SPATS2L: variants seen among roughly 807,000 people sequenced by gnomAD.
SPATS2L encodes the protein SPATS2-like protein.
Under a neutral mutation model 59.6 loss-of-function variants are expected in SPATS2L, and 30 were observed. That is an observed-to-expected ratio of 0.50 (90% CI 0.38 to 0.68). The LOEUF (loss-of-function observed/expected upper bound fraction) is 0.68, where lower values mean the gene tolerates loss of function less well. Ranked by LOEUF, SPATS2L falls within the 30% of genes least tolerant of loss-of-function variation. SPATS2L has a pLI of 0.00. For synonymous variants in SPATS2L, 252 were observed against 263.5 expected (o/e 0.96, Z 0.42); for missense variants, 615 against 700.0 (o/e 0.88, Z 1.37).
intron 2 of SPATS2L, among the ~76,000 whole-genome samples, chr2:200,365,341 G>A (rs1271792336): frequency 6.6e-6 from 1 of 152,220 alleles, no homozygotes; most frequent in Admixed American, 6.5e-5. Flanking sequence ...TACAGCCAAA[G>A]ATCATGGGGC....
intron 3 of SPATS2L, among the ~76,000 whole-genome samples, chr2:200,406,025 A>G (rs1278491768): frequency 6.6e-6 from 1 of 152,252 alleles, no homozygotes; most frequent in Non-Finnish European, 1.5e-5. Flanking sequence ...CCATCTTACT[A>G]GACTCCCTGC....
intron 8 of SPATS2L, among the ~76,000 whole-genome samples, chr2:200,448,217 A>G (rs146521155): frequency 0.014 from 2,134 of 152,264 alleles, 30 homozygotes; most frequent in African/African-American, 0.036. Flanking sequence ...TGAGGTGGGT[A>G]GATCACTTGA....
chr2:200,440,871 T>G (rs1182893058), intron 8 of SPATS2L, 87 bp downstream of exon 8: 3 of 1,447,938 alleles, frequency 2.1e-6, no homozygotes, highest in African/African-American at 2.8e-5. Flanking sequence ...CGTTGTTTAT[T>G]TAATACATAA....
chr2:200,438,568 T>A (rs777787962), intron 6 of SPATS2L, among the ~76,000 whole-genome samples: 1 of 152,164 alleles, frequency 6.6e-6, no homozygotes, highest in Non-Finnish European at 1.5e-5. Flanking sequence ...TATGATGATG[T>A]TTTCTGATTT....
chr2:200,448,798 T>C (rs1389529772), intron 8 of SPATS2L, among the ~76,000 whole-genome samples: 2 of 152,084 alleles, frequency 1.3e-5, no homozygotes, highest in African/African-American at 4.8e-5. Flanking sequence ...ACAGAGAGTA[T>C]GGGGATGAAC....
intron 2 of SPATS2L, among the ~76,000 whole-genome samples, chr2:200,375,765 T>C (rs779143297): frequency 8.5e-5 from 13 of 152,164 alleles, no homozygotes; most frequent in Non-Finnish European, 1.6e-4. Context: ...TAGCTGGGAC[T>C]ACAGGCACAT....
chr2:200,327,195 G>A (rs1161700086), intron 1 of SPATS2L, among the ~76,000 whole-genome samples: 11 of 151,976 alleles, frequency 7.2e-5, no homozygotes, highest in African/African-American at 2.4e-5. Context: ...CTTGAGGTCA[G>A]GAGTTTGAGA....
At chr2:200,367,064 C>T (rs917184949) in intron 2 of SPATS2L, among the ~76,000 whole-genome samples, 1 of 152,108 alleles carries the variant, frequency 6.6e-6, no homozygotes, top group Non-Finnish European at 1.5e-5. Flanking sequence ...ACTGCAAAGT[C>T]GTAATATTAT....
chr2:200,468,194 C>G (rs564382184), intron 10 of SPATS2L, among the ~76,000 whole-genome samples: 49 of 152,066 alleles, frequency 3.2e-4, no homozygotes, highest in African/African-American at 1.2e-3. Context: ...ACATCTTGAT[C>G]GCCAGACCCA....
rs144006788 is a variant in SPATS2L at position 200,389,301 on chromosome 2, G to A, written c.39+18G>A. The A allele has an allele frequency of 1.4e-4, 213 of 1,555,436 alleles. No homozygotes were observed. Among genetic ancestry groups the A allele is most frequent in the Admixed American group, 1.9e-4 (10 of 53,324 alleles). ...AGGAAAAGGTAAGATCAAGTTATAC[G>A]TTGGCTCACAGAAACTCCAAACTAG... On this transcript the variant is annotated intron_variant, in intron 3 of 12. Coordinates refer to ENST00000409140, the MANE Select transcript of SPATS2L (RefSeq NM_001100423.2).
intron 6 of SPATS2L, among the ~76,000 whole-genome samples, chr2:200,433,582 A>G (rs1436311192): frequency 6.6e-6 from 1 of 152,130 alleles, no homozygotes; most frequent in Non-Finnish European, 1.5e-5. Context: ...AAGAGATATG[A>G]GAAAAATTTT....
At chr2:200,314,415 G>A (rs552985795) in intron 1 of SPATS2L, among the ~76,000 whole-genome samples, 2 of 152,194 alleles carry the variant, frequency 1.3e-5, no homozygotes, top group South Asian at 2.1e-4. Context: ...CAGTAGCCTC[G>A]CAACTGGTCT....
intron 2 of SPATS2L, among the ~76,000 whole-genome samples, chr2:200,386,262 T>C (rs2081990887): frequency 6.6e-6 from 1 of 152,172 alleles, no homozygotes; most frequent in Non-Finnish European, 1.5e-5. Flanking sequence ...GTCCCTGTAA[T>C]TATTTTTATC....
chr2:200,474,785 A>G (rs971847694), intron 12 of SPATS2L, among the ~76,000 whole-genome samples: 3 of 152,120 alleles, frequency 2.0e-5, no homozygotes, highest in African/African-American at 7.2e-5. Context: ...AATCCACTCA[A>G]ATATCTAAGT....
chr2:200,468,621 C>G (rs1054418109), intron 10 of SPATS2L, among the ~76,000 whole-genome samples: 1 of 152,204 alleles, frequency 6.6e-6, no homozygotes, highest in East Asian at 1.9e-4. Context: ...CTTCTCTGCT[C>G]TGGCCTTTGT....
At chr2:200,457,603 A>G (rs1200797172) in intron 8 of SPATS2L, among the ~76,000 whole-genome samples, 1 of 152,256 alleles carries the variant, frequency 6.6e-6, no homozygotes, top group African/African-American at 2.4e-5. Context: ...GATCATATCC[A>G]GTGACCGTAA....
chr2:200,466,447 G>A (rs1019033566), intron 9 of SPATS2L, among the ~76,000 whole-genome samples: 1 of 152,166 alleles, frequency 6.6e-6, no homozygotes, highest in Admixed American at 6.5e-5. Flanking sequence ...GCTACTGAGC[G>A]CCATAATCTT....
intron 7 of SPATS2L, 119 bp downstream of exon 7, chr2:200,439,447 A>AT (rs1033552882): frequency 1.0e-3 from 824 of 795,188 alleles, no homozygotes; most frequent in Non-Finnish European, 1.2e-3. Context: ...ATGAAATTGC[A>AT]TTTTTTTTTC....
At chr2:200,365,974 A>T (rs1228655987) in intron 2 of SPATS2L, among the ~76,000 whole-genome samples, 1 of 152,214 alleles carries the variant, frequency 6.6e-6, no homozygotes, top group East Asian at 1.9e-4. Flanking sequence ...AATGAGTAAG[A>T]ATGGTAGACC....
Sources: gnomAD v4.1 joint callset for allele counts (sites outside exome capture counted in the v4.1 genomes callset) on GRCh38, gnomAD v4.1.1 for gene constraint, MANE v1.5 for transcripts, NCBI Gene and HGNC (gene_info 2026-07-23, HGNC 2026-07-21) for gene names.